The following DOCK6 variants were observed in gnomAD, a reference collection of about 807,000 sequenced individuals.
The protein encoded by DOCK6 is dedicator of cytokinesis 6.
A neutral mutation model predicts 230.3 loss-of-function variants in DOCK6; 167 were observed. That is an observed-to-expected ratio of 0.73 (90% CI 0.64 to 0.82). DOCK6 has a LOEUF of 0.82. Among genes scored for constraint, DOCK6 ranks in the 40% least tolerant of loss-of-function variants. The probability of loss-of-function intolerance (pLI) is 0.00; values close to 1 mark genes in which losing one functional copy is unlikely to be tolerated. For synonymous variants in DOCK6, 1,148 were observed against 1,185.0 expected, an observed-to-expected ratio of 0.97 and a Z score of 0.64; for missense variants, 2,598 against 2,825.8, an observed-to-expected ratio of 0.92 and a Z score of 1.83.
At chr19:11,251,960 G>A in intron 5 of DOCK6, 159 bp downstream of exon 5, 2 of 1,068,364 alleles carry the variant, frequency 1.9e-6, no homozygotes, top group Non-Finnish European at 2.7e-6. Flanking sequence ...CTCAATAAAT[G>A]TTTATAATTA....
rs199613013 is a variant in DOCK6, at chr19:11,217,321, C to T, written c.3621G>A (p.Ala1207=). 2.9e-5 allele frequency: 46 copies of T among 1,613,236 alleles called. No individual in the cohort carries two copies. Among genetic ancestry groups the T allele is most frequent in the African/African-American group, 6.7e-5 (5 of 74,932 alleles). Residue 1207 remains alanine (A), a synonymous_variant, in exon 29 of 48, where the codon GCG becomes GCA. Coordinates refer to ENST00000294618, the MANE Select transcript of DOCK6 (RefSeq NM_020812.4). ...TGGCCACAGAGGGGTTGATGGTACC[C>T]GCAATGTCCCCTTCGCCTTCTGTGT... ...DSDTEGEGDI[A]GTINPSVAMA... is the part of the protein sequence containing the mutation.
intron 22 of DOCK6, chr19:11,229,478 A>G (rs1394354257): frequency 1.7e-6 from 1 of 587,634 alleles, no homozygotes; most frequent in Non-Finnish European, 2.2e-6. Context: ...TCACACAGAC[A>G]GGGATGGGGA....
chr19:11,214,162 C>T lies in DOCK6; in HGVS notation c.4338+113G>A, dbSNP rs185207899. 14 of 1,409,838 alleles carry T rather than the reference C, an allele frequency of 9.9e-6. No homozygotes were observed. The East Asian group carries it at 2.3e-4, about 23-fold the overall frequency. The allele number at this position is 1,409,838 out of a possible 1,614,324, so 87.3% of individuals were successfully genotyped here. A position where few individuals can be genotyped will look rare whatever the true frequency, so the allele number is the denominator to read the frequency against. ...TTGGTCTCAAACTCCTGGCCTCAAG[C>T]GATCCTCCCACCTCAGCCTCCCAAA... is the stretch of plus-strand genomic sequence containing the variant. On this transcript the variant is annotated intron_variant, in intron 34 of 47. Transcript: ENST00000294618.
chr19:11,256,231 G>A (rs191433211), intron 1 of DOCK6, among the ~76,000 whole-genome samples: 210 of 152,268 alleles, frequency 1.4e-3, no homozygotes, highest in Admixed American at 3.3e-3. Context: ...CTCCAGAACC[G>A]TGGGCACACA....
In DOCK6 at chr19:11,237,756, A is replaced by C; in HGVS notation, c.1856T>G (p.Phe619Cys). ...HNKSPEFYEE[F>C]KLHLPACVTE... is the part of the protein sequence containing the mutation. ...CACGCAGGCTGGAAGATGCAGCTTG[A>C]ACTCCTCGTAGAACTCGGGGGACCT... is the stretch of plus-strand genomic sequence containing the variant. The change falls in exon 17 of 48, where the codon TTC becomes TGC. Residue 619 changes from phenylalanine to cysteine, a missense_variant. Phe to Cys is a radical substitution (Grantham distance 205). Coordinates refer to ENST00000294618, the MANE Select transcript of DOCK6 (RefSeq NM_020812.4). 6.4e-7 allele frequency: 1 copy of C among 1,572,682 alleles called. No homozygotes were observed. The highest frequency in any genetic ancestry group is 8.6e-7 in the Non-Finnish European group (1 of 1,159,616).
rs1272210102 is a variant in DOCK6 at position 11,201,005 on chromosome 19, C to T, written c.5736G>A (p.Lys1912=). Residue 1912 remains lysine, a synonymous_variant, in exon 45 of 48, where the codon AAG becomes AAA. Transcript: ENST00000294618. This position sits in a 1 kb window ranked among gnomAD's most constrained non-coding sequence, Gnocchi z 4.3. The part of the protein sequence containing the change: ...VEVAIEDMQK[K]TRELAFATEQ... The stretch of plus-strand genomic sequence containing the variant: ...CGGTGGCAAAGGCCAGCTCCCGTGT[C>T]TTCTTCTGCATGTCCTCGATGGCCA... The T allele has an allele frequency of 6.2e-7, 1 of 1,613,972 alleles. No individual in the cohort carries two copies. The highest frequency in any genetic ancestry group is 8.5e-7 in the Non-Finnish European group (1 of 1,179,872).
At chr19:11,252,389 A>G (rs964914558) in intron 4 of DOCK6, 93 bp downstream of exon 4, 1 of 1,588,110 alleles carries the variant, frequency 6.3e-7, no homozygotes, top group African/African-American at 1.3e-5. Flanking sequence ...TCTTGCAGGG[A>G]CAATGGGCAG....
rs558327265 is a variant in DOCK6, at chr19:11,236,908, T to C, written c.2074-29A>G. 9 of 1,544,546 alleles carry C rather than the reference T, an allele frequency of 5.8e-6. No individual in the cohort carries two copies. The South Asian group carries it at 9.5e-5, about 16-fold the overall frequency. Reference sequence around the variant, plus strand: ...TGGGAGGGAGGCACCAGGTGGGCACTGGTCAGCCCTCCCTGACTGATCAGG... The same window carrying C: ...TGGGAGGGAGGCACCAGGTGGGCACCGGTCAGCCCTCCCTGACTGATCAGG... On this transcript the variant is annotated intron_variant, in intron 18 of 47. Coordinates refer to ENST00000294618, the MANE Select transcript of DOCK6 (RefSeq NM_020812.4). This position sits in a 1 kb window ranked among gnomAD's most constrained non-coding sequence, Gnocchi z 5.2.
At chr19:11,229,646 G>C (rs191933224) in intron 22 of DOCK6, among the ~76,000 whole-genome samples, 1 of 151,988 alleles carries the variant, frequency 6.6e-6, no homozygotes. Context: ...GGGAGTAGAC[G>C]GGGCAGTGGA....
At chr19:11,260,892 A>AAAAAAAAAAAAAAAAAAAAAAAAAAAG (rs1423289379) in intron 1 of DOCK6, among the ~76,000 whole-genome samples, 11 of 148,590 alleles carry the variant, frequency 7.4e-5, no homozygotes, top group African/African-American at 2.5e-4. Flanking sequence ...CAAAAAAAAA[A>AAAAAAAAAAAAAAAAAAAAAAAAAAAG]AAAGAAAGAA....
intron 39 of DOCK6, among the ~76,000 whole-genome samples, chr19:11,206,823 G>A (rs1317404087): frequency 9.4e-6 from 1 of 105,998 alleles, no homozygotes; most frequent in Non-Finnish European, 1.9e-5. Flanking sequence ...AAATAGCTGG[G>A]ATTTGTGGTG....
rs757395887 is a variant in DOCK6, at chr19:11,236,314, G to T, written c.2392+32C>A. ...CAGGACTGAGAAGCCATGTGGATGGGGAAACTGAGGTCTGAGGCCACATTC... is the reference window on the plus strand; with the variant it reads ...CAGGACTGAGAAGCCATGTGGATGGTGAAACTGAGGTCTGAGGCCACATTC... On this transcript the variant is annotated intron_variant, in intron 20 of 47. Coordinates refer to ENST00000294618, the MANE Select transcript of DOCK6 (RefSeq NM_020812.4). The surrounding 1 kb of genome is among the most constrained non-coding windows in gnomAD (Gnocchi z 5.2). The T allele has an allele frequency of 1.2e-5, 19 of 1,520,222 alleles. No homozygotes were observed. The East Asian group carries it at 4.0e-4, about 32-fold the overall frequency. The allele number at this position is 1,520,222 out of a possible 1,614,324, so 94.2% of individuals were successfully genotyped here.
At position 11,222,852 on chromosome 19, in the gene DOCK6, G is replaced by C; in HGVS notation, c.3123C>G (p.Arg1041=). ...TGCACAGGATGCGGGTGAATTCCAT[G>C]CGCAGGGTCAGCAGGGCTGCTGGAT... The part of the protein sequence containing the change: ...SPNPAALLTL[R]MEFTRILCSH... Residue 1041 remains arginine, a synonymous_variant, in exon 26 of 48, where the codon CGC becomes CGG. Transcript: ENST00000294618. This position sits in a 1 kb window ranked among gnomAD's most constrained non-coding sequence, Gnocchi z 4.0. 1 of 1,603,714 alleles carries C rather than the reference G, an allele frequency of 6.2e-7. No individual in the cohort carries two copies. The highest frequency in any genetic ancestry group is 8.5e-7 in the Non-Finnish European group (1 of 1,175,454).
Position 11,199,364 on chromosome 19 carries a change from G to C in DOCK6, c.*133C>G. 9.2e-7 allele frequency: 1 copy of C among 1,091,846 alleles called. No homozygotes were observed. Among genetic ancestry groups the C allele is most frequent in the Non-Finnish European group, 1.4e-6 (1 of 736,066 alleles). The allele number at this position is 1,091,846 out of a possible 1,614,324, so 67.6% of individuals were successfully genotyped here. A position where few individuals can be genotyped will look rare whatever the true frequency, so the allele number is the denominator to read the frequency against. ...AGTGCACACAGATGGGGACACAGGGGCAGAGGGCCCAGCCCCAAGTACAGT... is the reference window on the plus strand; with the variant it reads ...AGTGCACACAGATGGGGACACAGGGCCAGAGGGCCCAGCCCCAAGTACAGT... On this transcript the variant is annotated 3_prime_UTR_variant, in exon 48 of 48. Coordinates refer to ENST00000294618, the MANE Select transcript of DOCK6 (RefSeq NM_020812.4).
At chr19:11,240,582 C>A (rs1292445304) in intron 14 of DOCK6, among the ~76,000 whole-genome samples, 1 of 136,364 alleles carries the variant, frequency 7.3e-6, no homozygotes, top group East Asian at 2.1e-4. Flanking sequence ...TCAATAAATT[C>A]TTTTTTTTTT....
At chr19:11,219,583 A>T (rs999319564) in intron 28 of DOCK6, among the ~76,000 whole-genome samples, 2 of 151,604 alleles carry the variant, frequency 1.3e-5, no homozygotes, top group Non-Finnish European at 2.9e-5. Context: ...AGGTCAGGAG[A>T]TCGAGACCAT....
At chr19:11,247,894 T>C in intron 7 of DOCK6, 172 bp downstream of exon 7, 1 of 606,274 alleles carries the variant, frequency 1.6e-6, no homozygotes, top group Non-Finnish European at 3.0e-6. Flanking sequence ...GATTGGAGAC[T>C]CGGGATAATG....
rs1307130426 is a variant in DOCK6 at position 11,218,426 on chromosome 19, C to G, written c.3551-1035G>C. Among the ~76,000 whole-genome samples the G allele has an allele frequency of 2.0e-5, 3 of 152,276 alleles. No individual in the cohort carries two copies. In the East Asian group the frequency reaches 5.8e-4, roughly 29 times the overall value. Reference sequence around the variant, plus strand: ...CCTCCCAAAGTATTAGGATTACAGGCGTGAGCCACTGCACTTGGCCAATTT... The same window carrying G: ...CCTCCCAAAGTATTAGGATTACAGGGGTGAGCCACTGCACTTGGCCAATTT... On this transcript the variant is annotated intron_variant, in intron 28 of 47. Coordinates refer to ENST00000294618, the MANE Select transcript of DOCK6 (RefSeq NM_020812.4).
chr19:11,245,472 C>T lies in DOCK6; in HGVS notation c.1023+91G>A. The T allele has an allele frequency of 3.0e-6, 4 of 1,339,920 alleles. No individual in the cohort carries two copies. In the South Asian group the frequency reaches 5.0e-5, roughly 17 times the overall value. 83.0% of individuals were successfully genotyped at this position (1,339,920 alleles called of 1,614,324 possible). A position where few individuals can be genotyped will look rare whatever the true frequency, so the allele number is the denominator to read the frequency against. On this transcript the variant is annotated intron_variant, in intron 9 of 47. Transcript: ENST00000294618. ...CCCCACAACAGCCCTGATTACCCTT[C>T]TTGGTGATGTATCTGTCTCATTCTG...
Sources: gnomAD v4.1 joint callset for allele counts (sites outside exome capture counted in the v4.1 genomes callset) on GRCh38, gnomAD v4.1.1 for gene constraint, Gnocchi (gnomAD v3.1) non-coding constraint, MANE v1.5 for transcripts, NCBI Gene and HGNC (gene_info 2026-07-23, HGNC 2026-07-21) for gene names.